Variants in DOCK1 observed in about 807,000 individuals in gnomAD.
The protein encoded by DOCK1 is dedicator of cytokinesis 1, also known as dedicator of cytokinesis protein 1.
A neutral mutation model predicts 262.7 loss-of-function variants in DOCK1; 138 were observed. The observed-to-expected ratio is 0.53, with a 90% CI of 0.46 to 0.61. DOCK1 has a LOEUF of 0.61. Ranked by LOEUF, DOCK1 falls within the 20% of genes least tolerant of loss-of-function variation. The probability of loss-of-function intolerance (pLI) is 0.00; values close to 1 mark genes in which losing one functional copy is unlikely to be tolerated. For synonymous variants in DOCK1, 866 were observed against 867.4 expected, an observed-to-expected ratio of 1.00 and a Z score of 0.03; for missense variants, 1,908 against 2,370.7, an observed-to-expected ratio of 0.80 and a Z score of 4.05.
At chr10:127,010,571 C>T (rs1374734714) in intron 11 of DOCK1, among the ~76,000 whole-genome samples, 1 of 152,192 alleles carries the variant, frequency 6.6e-6, no homozygotes, top group Non-Finnish European at 1.5e-5. Context: ...TGGCCCCGTC[C>T]TGGGCAGCAC....
chr10:127,282,818 G>T (rs1206447533), intron 29 of DOCK1, among the ~76,000 whole-genome samples: 2 of 152,186 alleles, frequency 1.3e-5, no homozygotes, highest in Non-Finnish European at 2.9e-5. Flanking sequence ...TCATTTCTTA[G>T]TGGCAGCCTT....
intron 10 of DOCK1, chr10:127,007,585 A>G (rs950850308): frequency 1.3e-5 from 2 of 152,196 alleles, no homozygotes; most frequent in Admixed American, 1.3e-4. Flanking sequence ...TGTCATGACC[A>G]AGGGCAAAAG....
At chr10:127,005,639 G>A (rs1377841841) in intron 10 of DOCK1, among the ~76,000 whole-genome samples, 2 of 152,072 alleles carry the variant, frequency 1.3e-5, no homozygotes, top group African/African-American at 4.8e-5. Flanking sequence ...ATAGAAAATT[G>A]TAAAAATAAT....
intron 22 of DOCK1, 144 bp downstream of exon 22, chr10:127,052,959 C>G: frequency 3.0e-6 from 4 of 1,317,136 alleles, no homozygotes; most frequent in South Asian, 3.1e-5. Context: ...TGAGAGAGCA[C>G]TGTTGATCCT....
intron 27 of DOCK1, among the ~76,000 whole-genome samples, chr10:127,150,033 C>G (rs1426798588): frequency 2.6e-5 from 4 of 152,128 alleles, no homozygotes; most frequent in Admixed American, 2.6e-4. Flanking sequence ...TGCAGGAATT[C>G]AAGGAGGACT....
At chr10:127,240,701 A>G (rs896970800) in intron 27 of DOCK1, among the ~76,000 whole-genome samples, 1 of 152,028 alleles carries the variant, frequency 6.6e-6, no homozygotes, top group East Asian at 1.9e-4. Context: ...TTTCTTTCTT[A>G]TACTCCCCGC....
intron 27 of DOCK1, among the ~76,000 whole-genome samples, chr10:127,230,258 T>C (rs1220858240): frequency 1.3e-5 from 2 of 152,186 alleles, no homozygotes; most frequent in African/African-American, 2.4e-5. Context: ...GTACAAGAGC[T>C]TTCTAGTTTG....
At chr10:127,137,979 G>A (rs768162499) in intron 27 of DOCK1, 15 of 1,613,214 alleles carry the variant, frequency 9.3e-6, no homozygotes, top group Admixed American at 1.7e-5. Flanking sequence ...TCTTAGAACC[G>A]GCTGGAGTTT....
chr10:127,276,054 C>T (rs911537462), intron 29 of DOCK1, among the ~76,000 whole-genome samples: 1 of 152,218 alleles, frequency 6.6e-6, no homozygotes, highest in African/African-American at 2.4e-5. Flanking sequence ...CTTTAAATAA[C>T]TCATGCTAAA....
intron 32 of DOCK1, among the ~76,000 whole-genome samples, chr10:127,360,660 AG>A (rs2064373009): frequency 6.6e-6 from 1 of 152,188 alleles, no homozygotes; most frequent in Admixed American, 6.5e-5. Flanking sequence ...TTTTGCAATT[AG>A]GGGGGACAAA....
At chr10:127,236,745 A>T (rs2059080083) in intron 27 of DOCK1, among the ~76,000 whole-genome samples, 1 of 151,928 alleles carries the variant, frequency 6.6e-6, no homozygotes, top group Non-Finnish European at 1.5e-5. Context: ...ACTTTAAAAT[A>T]TTCTTCTGTA....
chr10:127,106,109 C>T (rs906335904), intron 23 of DOCK1, 122 bp from the exon 24 acceptor site: 1 of 1,013,292 alleles, frequency 9.9e-7, no homozygotes, highest in Non-Finnish European at 1.4e-6. Context: ...CCGTCAGCCC[C>T]TCATCTGGAA....
intron 39 of DOCK1, 145 bp downstream of exon 39, chr10:127,403,289 G>A (rs781288006): frequency 3.4e-5 from 26 of 765,802 alleles, no homozygotes; most frequent in East Asian, 5.6e-5. Context: ...TAGGAAGATG[G>A]TTTTAGTTAA....
chr10:127,125,042 G>T (rs904915486), intron 25 of DOCK1, among the ~76,000 whole-genome samples: 3 of 151,430 alleles, frequency 2.0e-5, no homozygotes, highest in Non-Finnish European at 4.4e-5. Context: ...GCGTGAACCT[G>T]GGAGGCGGAG....
intron 21 of DOCK1, among the ~76,000 whole-genome samples, chr10:127,048,255 C>T (rs2044475087): frequency 6.6e-6 from 1 of 152,216 alleles, no homozygotes; most frequent in African/African-American, 2.4e-5. Context: ...TACTGGATAA[C>T]TGATGATACT....
chr10:127,378,433 C>T (rs549695390), intron 35 of DOCK1, among the ~76,000 whole-genome samples: 7 of 152,040 alleles, frequency 4.6e-5, no homozygotes, highest in Non-Finnish European at 1.0e-4. Flanking sequence ...GACAAGGCTG[C>T]CCGCGGAGCC....
intron 21 of DOCK1, among the ~76,000 whole-genome samples, chr10:127,046,180 G>A (rs937017544): frequency 6.6e-5 from 10 of 152,074 alleles, no homozygotes; most frequent in East Asian, 3.9e-4. Flanking sequence ...TAAGAGGTGC[G>A]TGGTCCAGTA....
At chr10:127,417,923 G>T (rs2068259265) in intron 44 of DOCK1, among the ~76,000 whole-genome samples, 1 of 152,084 alleles carries the variant, frequency 6.6e-6, no homozygotes, top group South Asian at 2.1e-4. Context: ...GCGGAGCCCT[G>T]CCTTGACCTC....
intron 27 of DOCK1, among the ~76,000 whole-genome samples, chr10:127,226,523 G>A (rs931567442): frequency 3.3e-5 from 5 of 151,898 alleles, no homozygotes; most frequent in African/African-American, 4.8e-5. Context: ...TGGATGGATC[G>A]CTTGAGGTCA....
Sources: gnomAD v4.1 joint callset for allele counts (sites outside exome capture counted in the v4.1 genomes callset) on GRCh38, gnomAD v4.1.1 for gene constraint, MANE v1.5 for transcripts, NCBI Gene and HGNC (gene_info 2026-07-23, HGNC 2026-07-21) for gene names.